ST8SIA6: variants seen among roughly 807,000 people sequenced by gnomAD.
ST8SIA6 encodes the protein alpha-2,8-sialyltransferase 8F.
Under a neutral mutation model 33.6 loss-of-function variants are expected in ST8SIA6, and 39 were observed. That is an observed-to-expected ratio of 1.16 (90% CI 0.90 to 1.52). The LOEUF is 1.52. ST8SIA6 is among the 40% of genes most tolerant of loss of function. The probability of loss-of-function intolerance (pLI) is 0.00; values close to 1 mark genes in which losing one functional copy is unlikely to be tolerated. For synonymous variants in ST8SIA6, 172 were observed against 167.2 expected (o/e 1.03, Z -0.22); for missense variants, 441 against 443.8 (o/e 0.99, Z 0.06).
intron 6 of ST8SIA6, among the ~76,000 whole-genome samples, chr10:17,323,560 T>G (rs563998757): frequency 6.6e-6 from 1 of 152,030 alleles, no homozygotes; most frequent in East Asian, 1.9e-4. Flanking sequence ...CGAATTTGTA[T>G]TTTTAGTAGT....
intron 3 of ST8SIA6, among the ~76,000 whole-genome samples, chr10:17,363,058 C>G (rs1849444501): frequency 6.6e-6 from 1 of 152,150 alleles, no homozygotes; most frequent in African/African-American, 2.4e-5. Flanking sequence ...AGGTCATAAA[C>G]TATTCTGAAT....
At chr10:17,426,555 T>A (rs568908902) in intron 2 of ST8SIA6, among the ~76,000 whole-genome samples, 21 of 152,256 alleles carry the variant, frequency 1.4e-4, no homozygotes, top group African/African-American at 4.3e-4. Flanking sequence ...GGACATTAAT[T>A]CTCCCACATC....
chr10:17,407,803 C>T (rs1353311626), intron 2 of ST8SIA6, among the ~76,000 whole-genome samples: 3 of 152,096 alleles, frequency 2.0e-5, no homozygotes, highest in Admixed American at 1.3e-4. Context: ...CTGCCCTGAC[C>T]GTCTTTTTCA....
chr10:17,362,326 C>T (rs1409971053), intron 3 of ST8SIA6, among the ~76,000 whole-genome samples: 2 of 152,096 alleles, frequency 1.3e-5, no homozygotes, highest in Admixed American at 6.5e-5. Context: ...CATTACTCCT[C>T]AAAAAACTTT....
chr10:17,371,813 T>TAAAAA (rs1849745422), intron 3 of ST8SIA6, among the ~76,000 whole-genome samples: 11 of 116,908 alleles, frequency 9.4e-5, no homozygotes, highest in East Asian at 2.6e-4. Context: ...AGAAAGAAAG[T>TAAAAA]AAAAAATGAG....
chr10:17,334,220 G>A (rs1034965148), intron 4 of ST8SIA6, among the ~76,000 whole-genome samples: 2 of 151,416 alleles, frequency 1.3e-5, no homozygotes, highest in Non-Finnish European at 2.9e-5. Context: ...AAAATGAGAG[G>A]ATTCATTGTA....
chr10:17,431,636 G>A (rs1182523608), intron 2 of ST8SIA6, among the ~76,000 whole-genome samples: 1 of 151,954 alleles, frequency 6.6e-6, no homozygotes, highest in Non-Finnish European at 1.5e-5. Context: ...ACAACCCTGC[G>A]GGAAGGCGTC....
intron 4 of ST8SIA6, among the ~76,000 whole-genome samples, chr10:17,339,607 T>A (rs1848609170): frequency 6.6e-6 from 1 of 152,246 alleles, no homozygotes; most frequent in Non-Finnish European, 1.5e-5. Context: ...GCCTGTCTCC[T>A]GTTGGTGCCC....
chr10:17,414,926 C>G (rs1321110949), intron 2 of ST8SIA6, among the ~76,000 whole-genome samples: 1 of 152,074 alleles, frequency 6.6e-6, no homozygotes, highest in Non-Finnish European at 1.5e-5. Context: ...TGTCCCTGCT[C>G]TCATCAAAAA....
rs151302224 is a variant in ST8SIA6, at chr10:17,324,584, A to G, written c.636-1427T>C. Among the ~76,000 whole-genome samples, 195 of 151,912 alleles carry G rather than the reference A, an allele frequency of 1.3e-3. 1 individual carries two copies. Among genetic ancestry groups the G allele is most frequent in the African/African-American group, 4.5e-3 (186 of 41,488 alleles). On this transcript the variant is annotated intron_variant, in intron 6 of 7. Coordinates refer to ENST00000377602, the MANE Select transcript of ST8SIA6 (RefSeq NM_001004470.3). ...AAGGGTATTTTATAGAGGAAATACA[A>G]TAAGTTTTGGCTTAAAACTTAAAAG...
chr10:17,320,464 G>T lies in ST8SIA6; in HGVS notation c.*414C>A, dbSNP rs749233017. 4.7e-5 allele frequency: 8 copies of T among 168,850 alleles called. No individual in the cohort carries two copies. The highest frequency in any genetic ancestry group is 7.7e-5 in the Non-Finnish European group (6 of 78,028). The allele number at this position is 168,850 out of a possible 1,614,324, so 10.5% of individuals were successfully genotyped here. On this transcript the variant is annotated 3_prime_UTR_variant, in exon 8 of 8. Coordinates refer to ENST00000377602, the MANE Select transcript of ST8SIA6 (RefSeq NM_001004470.3). The stretch of plus-strand genomic sequence containing the variant: ...GGAAGGATATTATTGATAGAGACCT[G>T]CCACAGAAAGAAATCCAATGGATAC...
intron 2 of ST8SIA6, among the ~76,000 whole-genome samples, chr10:17,406,637 C>T (rs938339476): frequency 6.6e-6 from 1 of 152,064 alleles, no homozygotes; most frequent in Non-Finnish European, 1.5e-5. Flanking sequence ...TATACAGCGG[C>T]GGTTGTTACT....
At chr10:17,453,433 A>G (rs1852992582) in intron 2 of ST8SIA6, 126 bp downstream of exon 2, 4 of 628,552 alleles carry the variant, frequency 6.4e-6, no homozygotes, top group Non-Finnish European at 6.8e-6. Flanking sequence ...ACACACGCAC[A>G]CTCTTACACT....
intron 2 of ST8SIA6, among the ~76,000 whole-genome samples, chr10:17,397,226 G>GTTTTTTTTTTTT (rs1483021820): frequency 2.5e-5 from 2 of 80,060 alleles, no homozygotes; most frequent in African/African-American, 5.0e-5. Context: ...TTTGCAAATT[G>GTTTTTTTTTTTT]TTTTTTGTTT....
chr10:17,358,255 G>A (rs1849260649), intron 4 of ST8SIA6, among the ~76,000 whole-genome samples: 1 of 152,012 alleles, frequency 6.6e-6, no homozygotes, highest in Non-Finnish European at 1.5e-5. Flanking sequence ...TCCTCACATT[G>A]GTAGCAGAAT....
In ST8SIA6 at chr10:17,426,624, G is replaced by A. The variant is rs74117650; in HGVS notation, c.200+26935C>T. On this transcript the variant is annotated intron_variant, in intron 2 of 7. Transcript: ENST00000377602. ...CCTCAAGCAAAGAAATGTTCAGGCT[G>A]GCAGGTGGAAGTTGACTTGCAAGCA... Among the ~76,000 whole-genome samples, 1,373 of 152,332 alleles carry A rather than the reference G, an allele frequency of 9.0e-3. 29 individuals carry two copies. The highest frequency in any genetic ancestry group is 0.03 in the African/African-American group (1,261 of 41,578).
intron 6 of ST8SIA6, among the ~76,000 whole-genome samples, chr10:17,324,340 T>C (rs1222547889): frequency 6.6e-6 from 1 of 152,028 alleles, no homozygotes; most frequent in Non-Finnish European, 1.5e-5. Context: ...ATAAAAGCTA[T>C]GTCAGAAAAT....
chr10:17,405,850 A>T (rs1035117572), intron 2 of ST8SIA6, among the ~76,000 whole-genome samples: 3 of 147,302 alleles, frequency 2.0e-5, no homozygotes, highest in Non-Finnish European at 4.5e-5. Flanking sequence ...CCATCATTGC[A>T]CTCCAGCCTG....
chr10:17,322,094 C>CAG (rs10544183), intron 7 of ST8SIA6, among the ~76,000 whole-genome samples: 5,975 of 134,352 alleles, frequency 0.044, 159 homozygotes, highest in Non-Finnish European at 0.065. Context: ...CAAAGAGAGA[C>CAG]AGAGAGAGAG....
Sources: allele counts gnomAD v4.1 joint callset (sites outside exome capture counted in the v4.1 genomes callset), GRCh38; gene constraint gnomAD v4.1.1; transcripts MANE v1.5; gene names NCBI Gene and HGNC (gene_info 2026-07-23, HGNC 2026-07-21).